The following RORA variants were observed in gnomAD, a reference collection of about 807,000 sequenced individuals.
RORA encodes RAR related orphan receptor A.
In RORA, 7 loss-of-function variants were observed where a neutral mutation model predicts 69.5. That is an observed-to-expected ratio of 0.10 (90% CI 0.06 to 0.19). The LOEUF (loss-of-function observed/expected upper bound fraction) is 0.19. Ranked by LOEUF, RORA falls within the 10% of genes least tolerant of loss-of-function variation. The pLI, the probability that RORA is intolerant of heterozygous loss-of-function variation, is 1.00. For missense variants in RORA, 457 were observed against 663.0 expected (o/e 0.69, Z 3.41); for synonymous variants, 261 against 240.8 (o/e 1.08, Z -0.78).
intron 1 of RORA, among the ~76,000 whole-genome samples, chr15:60,726,257 A>C (rs1159935434): frequency 1.3e-5 from 2 of 152,280 alleles, no homozygotes; most frequent in Middle Eastern, 3.4e-3. Context: ...TAAGCTCAGA[A>C]TGAAGGAAAT....
At chr15:60,938,457 C>T (rs1484993981) in intron 1 of RORA, among the ~76,000 whole-genome samples, 1 of 152,214 alleles carries the variant, frequency 6.6e-6, no homozygotes, top group East Asian at 1.9e-4. Context: ...TTAGTTGCCA[C>T]TGTAGATGAT....
chr15:60,544,197 C>T (rs572112792), intron 2 of RORA, among the ~76,000 whole-genome samples: 1 of 152,238 alleles, frequency 6.6e-6, no homozygotes, highest in Non-Finnish European at 1.5e-5. Context: ...ACATAATCTT[C>T]CAGAGCCAGT....
chr15:60,602,878 AAGACACAGAACAGTTCT>A (rs554628366), intron 2 of RORA, among the ~76,000 whole-genome samples: 37 of 152,286 alleles, frequency 2.4e-4, no homozygotes, highest in African/African-American at 8.7e-4. Context: ...ATTAAATTAA[AAGACACAGAACAGTTCT>A]ATTCCCCTCT....
In RORA at chr15:60,559,824, T is replaced by G. The variant is rs536355350; in HGVS notation, c.197-27973A>C. Among the ~76,000 whole-genome samples, 9 of 152,360 alleles carry G rather than the reference T, an allele frequency of 5.9e-5. No individual in the cohort carries two copies. In the South Asian group the frequency reaches 1.9e-3, roughly 32 times the overall value. On this transcript the variant is annotated intron_variant, in intron 2 of 10. Coordinates refer to ENST00000335670, the MANE Select transcript of RORA (RefSeq NM_134261.3). ...AGATATGTTACAAGACATGGCAAAT[T>G]GATTCTTTACCTAAGCGAGGCCAGT...
chr15:60,790,169 C>T (rs2072394982), intron 1 of RORA, among the ~76,000 whole-genome samples: 1 of 152,220 alleles, frequency 6.6e-6, no homozygotes, highest in Non-Finnish European at 1.5e-5. Flanking sequence ...GTGGTTCTTC[C>T]ACTTTTGTGA....
intron 1 of RORA, among the ~76,000 whole-genome samples, chr15:60,873,055 T>A (rs562957615): frequency 1.3e-5 from 2 of 152,124 alleles, no homozygotes; most frequent in African/African-American, 2.4e-5. Context: ...AAGTGCCGAG[T>A]CTATAAAGAT....
At chr15:61,017,890 T>C (rs1419270041) in intron 1 of RORA, among the ~76,000 whole-genome samples, 1 of 152,188 alleles carries the variant, frequency 6.6e-6, no homozygotes, top group African/African-American at 2.4e-5. Flanking sequence ...TAATTCTCCA[T>C]GTTGATCCTT....
intron 1 of RORA, among the ~76,000 whole-genome samples, chr15:61,019,418 G>A (rs953617637): frequency 6.6e-6 from 1 of 152,078 alleles, no homozygotes; most frequent in East Asian, 1.9e-4. Context: ...GTTGTCAGTC[G>A]ATGATTATCA....
chr15:61,214,990 G>A (rs1013139110), intron 1 of RORA, among the ~76,000 whole-genome samples: 8 of 143,608 alleles, frequency 5.6e-5, no homozygotes, highest in Admixed American at 5.0e-4. Flanking sequence ...TCAGCCTCCC[G>A]AGTAGCTGGG....
intron 1 of RORA, among the ~76,000 whole-genome samples, chr15:61,211,341 C>T (rs921014917): frequency 2.0e-5 from 3 of 151,532 alleles, no homozygotes; most frequent in South Asian, 2.1e-4. Context: ...ACCTTCCTTC[C>T]GCTCAGAAGT....
At chr15:60,948,773 G>A (rs961451375) in intron 1 of RORA, among the ~76,000 whole-genome samples, 2 of 152,118 alleles carry the variant, frequency 1.3e-5, no homozygotes, top group African/African-American at 2.4e-5. Context: ...TATAAGATAC[G>A]GTCCTATTCT....
intron 2 of RORA, among the ~76,000 whole-genome samples, chr15:60,607,669 C>T (rs1444892494): frequency 6.6e-6 from 1 of 152,172 alleles, no homozygotes; most frequent in Non-Finnish European, 1.5e-5. Context: ...ACAACCCTTT[C>T]CCCCTATTTA....
chr15:60,729,229 CA>C (rs960566258), intron 1 of RORA, among the ~76,000 whole-genome samples: 49 of 152,268 alleles, frequency 3.2e-4, no homozygotes, highest in African/African-American at 1.2e-3. Flanking sequence ...TCTGCTCCAT[CA>C]AAACTTCATT....
intron 1 of RORA, among the ~76,000 whole-genome samples, chr15:60,944,019 T>A (rs894409083): frequency 7.0e-6 from 1 of 143,186 alleles, no homozygotes; most frequent in Non-Finnish European, 1.5e-5. Flanking sequence ...AAACAAACCA[T>A]AAAATGGAGG....
At chr15:61,225,252 T>G (rs1247618134) in intron 1 of RORA, among the ~76,000 whole-genome samples, 1 of 152,154 alleles carries the variant, frequency 6.6e-6, no homozygotes, top group Non-Finnish European at 1.5e-5. Flanking sequence ...GGCAAAGGCT[T>G]TTCTCCCAGT....
At chr15:60,798,829 C>T (rs1349079138) in intron 1 of RORA, among the ~76,000 whole-genome samples, 1 of 152,106 alleles carries the variant, frequency 6.6e-6, no homozygotes, top group Non-Finnish European at 1.5e-5. Flanking sequence ...GATATATCCC[C>T]ACTCTAAAGT....
rs1410711381 is a variant in RORA, at chr15:61,061,338, C to T, written c.166+167715G>A. Reference sequence around the variant, plus strand: ...ACTGCAGGCGTGCAGGGAGACAGAGCGAGGCTCTATCTTAAAAAATAAATA... The same window carrying T: ...ACTGCAGGCGTGCAGGGAGACAGAGTGAGGCTCTATCTTAAAAAATAAATA... On this transcript the variant is annotated intron_variant, in intron 1 of 10. Transcript: ENST00000335670. This position sits in a 1 kb window ranked among gnomAD's most constrained non-coding sequence, Gnocchi z 4.4. Among the ~76,000 whole-genome samples the T allele has an allele frequency of 1.3e-5, 2 of 149,310 alleles. No homozygotes were observed. The highest frequency in any genetic ancestry group is 3.0e-5 in the Non-Finnish European group (2 of 67,604).
At chr15:60,599,555 A>G (rs2068768631) in intron 2 of RORA, among the ~76,000 whole-genome samples, 1 of 142,950 alleles carries the variant, frequency 7.0e-6, no homozygotes, top group South Asian at 2.4e-4. Flanking sequence ...TGTCTTAAAA[A>G]AGTAAAGAAA....
At chr15:60,581,203 T>C (rs919650879) in intron 2 of RORA, among the ~76,000 whole-genome samples, 1 of 152,198 alleles carries the variant, frequency 6.6e-6, no homozygotes, top group Non-Finnish European at 1.5e-5. Flanking sequence ...TGAAATTGCA[T>C]AGAAACTTCC....
Sources: gnomAD v4.1 joint callset for allele counts (sites outside exome capture counted in the v4.1 genomes callset) on GRCh38, gnomAD v4.1.1 for gene constraint, Gnocchi (gnomAD v3.1) non-coding constraint, MANE v1.5 for transcripts, NCBI Gene and HGNC (gene_info 2026-07-23, HGNC 2026-07-21) for gene names.